EPG5: variants seen among roughly 807,000 people sequenced by gnomAD.
The protein encoded by EPG5 is ectopic P-granules 5 autophagy tethering factor, also known as ectopic P granules protein 5 homolog.
EPG5 carries 159 observed loss-of-function variants against 302.7 expected under a neutral mutation model. The ratio of observed to expected loss-of-function variants is 0.53; its 90% CI spans 0.46 to 0.60. The LOEUF is 0.60. EPG5 is among the 20% of genes least tolerant of loss of function. EPG5 has a pLI of 0.00. For missense variants in EPG5, 2,896 were observed against 3,092.4 expected, an observed-to-expected ratio of 0.94 and a Z score of 1.51; for synonymous variants, 1,158 against 1,136.8, an observed-to-expected ratio of 1.02 and a Z score of -0.37.
At chr18:45,881,721 G>A (rs142387260) in intron 31 of EPG5, among the ~76,000 whole-genome samples, 2 of 152,190 alleles carry the variant, frequency 1.3e-5, no homozygotes, top group South Asian at 2.1e-4. Flanking sequence ...TTGTAAGAAG[G>A]GGGAACAGAA....
At chr18:45,893,775 G>A (rs1180305654) in intron 27 of EPG5, among the ~76,000 whole-genome samples, 1 of 152,112 alleles carries the variant, frequency 6.6e-6, no homozygotes, top group Non-Finnish European at 1.5e-5. Flanking sequence ...GAGTATTTAA[G>A]TATGGAAAGT....
intron 13 of EPG5, among the ~76,000 whole-genome samples, chr18:45,926,337 G>A (rs1354081027): frequency 2.0e-5 from 3 of 152,000 alleles, no homozygotes; most frequent in Admixed American, 6.5e-5. Context: ...GTGGGAGGGT[G>A]GTAAGATGAA....
downstream of EPG5, chr18:45,842,733 G>A (rs2048336083): frequency 1.3e-5 from 2 of 155,964 alleles, no homozygotes; most frequent in Non-Finnish European, 1.4e-5. Flanking sequence ...GATATGAAGG[G>A]GCTTTGGAAA....
Position 45,884,678 on chromosome 18 carries a change from T to C in EPG5, c.5243A>G (p.Glu1748Gly). Reference protein sequence around the residue: ...AAPAEFIQLYEQVVKFLSEDN... With the variant: ...AAPAEFIQLYGQVVKFLSEDN... ...CTCACTTAGAAACTTCACCACTTGCTCATACAGCTGTATGAACTCTGCAGG... is the reference window on the plus strand; with the variant it reads ...CTCACTTAGAAACTTCACCACTTGCCCATACAGCTGTATGAACTCTGCAGG... The change falls in exon 30 of 44, where the codon GAG becomes GGG. Residue 1748 changes from glutamate to glycine, a missense_variant. Physicochemically the swap from Glu to Gly is moderately conservative, Grantham distance 98. Transcript: ENST00000282041. The C allele has an allele frequency of 6.2e-7, 1 of 1,611,540 alleles. No individual in the cohort carries two copies. The highest frequency in any genetic ancestry group is 8.5e-7 in the Non-Finnish European group (1 of 1,179,178).
At chr18:45,825,156 AAGGGAGGG>A in the EPG5 span, among the ~76,000 whole-genome samples, 1 of 109,662 alleles carries the variant, frequency 9.1e-6, no homozygotes, top group East Asian at 3.6e-4. Context: ...GGAGGGAAGG[AAGGGAGGG>A]AGGGAGGGAG....
intron 19 of EPG5, 42 bp from the exon 20 acceptor site, chr18:45,915,663 A>G: frequency 6.8e-7 from 1 of 1,464,926 alleles, no homozygotes; most frequent in Non-Finnish European, 9.6e-7. Flanking sequence ...GGTTTTAAGG[A>G]AAATCTTATC....
At chr18:45,839,000 G>A in the EPG5 span, 1 of 1,594,732 alleles carries the variant, frequency 6.3e-7, no homozygotes, top group Non-Finnish European at 8.5e-7. Flanking sequence ...GGCGCCAGCG[G>A]GGCCTCGACG....
chr18:45,912,187 A>C (rs2049920919), intron 22 of EPG5, 103 bp downstream of exon 22: 1 of 1,101,230 alleles, frequency 9.1e-7, no homozygotes, highest in Non-Finnish European at 1.3e-6. Flanking sequence ...AGATCACCAA[A>C]GAATGATTCC....
chr18:45,870,870 A>G, intron 35 of EPG5, 128 bp from the exon 36 acceptor site: 1 of 726,040 alleles, frequency 1.4e-6, no homozygotes, highest in Non-Finnish European at 2.1e-6. Flanking sequence ...AAAGATTTTC[A>G]TGTAGGGAGA....
intron 16 of EPG5, 116 bp from the exon 17 acceptor site, chr18:45,917,935 T>A (rs186430650): frequency 2.1e-6 from 2 of 952,404 alleles, no homozygotes; most frequent in African/African-American, 1.7e-5. Flanking sequence ...CCAACACATG[T>A]TTTATACCCA....
chr18:45,948,225 C>A (rs939863209), intron 6 of EPG5, among the ~76,000 whole-genome samples: 3 of 152,208 alleles, frequency 2.0e-5, no homozygotes, highest in African/African-American at 7.2e-5. Context: ...ATCTCTTCTT[C>A]CAAGAAACAG....
rs1362482942 is a variant in EPG5 at position 45,954,788 on chromosome 18, T to C, written c.614A>G (p.His205Arg). The change falls in exon 2 of 44, where the codon CAT (histidine) becomes CGT (arginine). Residue 205 changes from histidine (H) to arginine (R), a missense_variant. By Grantham distance (29) the His-to-Arg change is conservative. This residue lies in a region of EPG5 where 1,390 missense variants were observed against 1,430.0 expected (regional missense o/e 0.97). Transcript: ENST00000282041. ...VGLQSSCPAK[H>R]GFQTPRVKKL... is the part of the protein sequence containing the mutation. ...CTTCACTCTAGGTGTCTGAAAACCA[T>C]GTTTGGCTGGGCAAGAACTCTGCAA... 6 of 1,613,992 alleles carry C rather than the reference T, an allele frequency of 3.7e-6. No homozygotes were observed. The highest frequency in any genetic ancestry group is 4.2e-6 in the Non-Finnish European group (5 of 1,179,968).
At chr18:45,837,174 GT>G in the EPG5 span, 1 of 1,565,296 alleles carries the variant, frequency 6.4e-7, no homozygotes. Context: ...CACAGGGCAG[GT>G]TTTGATGGGG....
At chr18:45,815,139 A>T in the EPG5 span, among the ~76,000 whole-genome samples, 1 of 152,126 alleles carries the variant, frequency 6.6e-6, no homozygotes, top group Non-Finnish European at 1.5e-5. Context: ...CATTTATTTC[A>T]TCTGACACTC....
intron 36 of EPG5, among the ~76,000 whole-genome samples, chr18:45,868,777 C>T (rs1278629026): frequency 6.6e-6 from 1 of 151,210 alleles, no homozygotes; most frequent in Non-Finnish European, 1.5e-5. Flanking sequence ...TATGAGAGGC[C>T]GGGTGCAGTG....
intron 43 of EPG5, 30 bp downstream of exon 43, chr18:45,855,543 A>T: frequency 6.4e-7 from 1 of 1,556,658 alleles, no homozygotes; most frequent in Non-Finnish European, 8.9e-7. Context: ...TGTGCAGGCA[A>T]ACTTCTAACC....
chr18:45,827,551 C>A, the EPG5 span, among the ~76,000 whole-genome samples: 1 of 152,190 alleles, frequency 6.6e-6, no homozygotes, highest in African/African-American at 2.4e-5. Context: ...CTGAAGCCCA[C>A]CTCTGCTGTT....
At chr18:45,818,961 T>C in the EPG5 span, among the ~76,000 whole-genome samples, 1 of 152,188 alleles carries the variant, frequency 6.6e-6, no homozygotes, top group South Asian at 2.1e-4. Flanking sequence ...TTCGAAATGC[T>C]GACCACAAAT....
intron 39 of EPG5, 139 bp downstream of exon 39, chr18:45,865,476 G>A: frequency 1.1e-6 from 1 of 934,186 alleles, no homozygotes; most frequent in Non-Finnish European, 1.6e-6. Flanking sequence ...AGTCCCTGGT[G>A]TCCAAACACC....
Sources: gnomAD v4.1 joint callset for allele counts (sites outside exome capture counted in the v4.1 genomes callset) on GRCh38, gnomAD v4.1.1 for gene constraint, gnomAD v4.1.1 regional missense constraint, MANE v1.5 for transcripts, NCBI Gene and HGNC (gene_info 2026-07-23, HGNC 2026-07-21) for gene names.